Variants in OR8B8 observed in about 807,000 individuals in gnomAD.
OR8B8 encodes olfactory receptor family 8 subfamily B member 8.
Under a neutral mutation model 10.5 loss-of-function variants are expected in OR8B8, and 8 were observed. The ratio of observed to expected loss-of-function variants is 0.76; its 90% CI spans 0.45 to 1.38. The LOEUF is 1.38. Among genes scored for constraint, OR8B8 ranks in the 40% most tolerant of loss-of-function variants. The pLI is 0.00. For missense variants in OR8B8, 390 were observed against 380.5 expected, an observed-to-expected ratio of 1.03 and a Z score of -0.21; for synonymous variants, 150 against 145.2, an observed-to-expected ratio of 1.03 and a Z score of -0.24.
chr11:124,439,835 A>G lies in OR8B8; in HGVS notation c.*315T>C, dbSNP rs1861444597. On this transcript the variant is annotated 3_prime_UTR_variant, in exon 3 of 3. Transcript: ENST00000642064. ...CTGAGGGAGGAAGAAAGTGAGCCAT[A>G]ATGAAAAGCAGCCAGTACTGGAAAT... is the stretch of plus-strand genomic sequence containing the variant. 4.2e-6 allele frequency: 1 copy of G among 237,188 alleles called. No individual in the cohort carries two copies. The allele number at this position is 237,188 out of a possible 1,614,324, so 14.7% of individuals were successfully genotyped here.
At position 124,440,083 on chromosome 11, in the gene OR8B8, T is replaced by G; in HGVS notation, c.*67A>C. On this transcript the variant is annotated 3_prime_UTR_variant, in exon 3 of 3. Coordinates refer to ENST00000642064, the MANE Select transcript of OR8B8 (RefSeq NM_012378.2). ...TTGAGGAAAAATTATATTTCTTCCA[T>G]GTAACCAGTGGAGTCCAAATCACTT... 1.6e-6 allele frequency: 2 copies of G among 1,260,320 alleles called. No homozygotes were observed. The highest frequency in any genetic ancestry group is 2.2e-6 in the Non-Finnish European group (2 of 898,500). The allele number at this position is 1,260,320 out of a possible 1,614,324, so 78.1% of individuals were successfully genotyped here.
chr11:124,441,159 C>T lies in OR8B8; in HGVS notation c.-16-58G>A, dbSNP rs1861471727. 4 of 1,082,932 alleles carry T rather than the reference C, an allele frequency of 3.7e-6. 1 individual carries two copies. In the Admixed American group the frequency reaches 6.8e-5, roughly 19 times the overall value. 67.1% of individuals were successfully genotyped at this position (1,082,932 alleles called of 1,614,324 possible). ...GAGAGAGAGACCACTGCTGCCCTCCCAGTCATCCCTCCTTCCTTCTTGAGA... is the reference window on the plus strand; with the variant it reads ...GAGAGAGAGACCACTGCTGCCCTCCTAGTCATCCCTCCTTCCTTCTTGAGA... On this transcript the variant is annotated intron_variant, in intron 2 of 2. Transcript: ENST00000642064.
intron 1 of OR8B8, among the ~76,000 whole-genome samples, chr11:124,445,042 A>T (rs1007540927): frequency 1.3e-5 from 2 of 152,192 alleles, no homozygotes; most frequent in Non-Finnish European, 2.9e-5. Context: ...TCAAATATCC[A>T]CATTCTATCA....
chr11:124,442,732 C>T (rs1258875991), intron 1 of OR8B8, among the ~76,000 whole-genome samples: 1 of 152,118 alleles, frequency 6.6e-6, no homozygotes, highest in African/African-American at 2.4e-5. Flanking sequence ...GTTTTGCTTG[C>T]TTTGTTCTTT....
rs574964605 is a variant in OR8B8, at chr11:124,441,911, C to A, written c.-152-288G>T. ...CCTGGGATCACAGACCTGGATATAA[C>A]AAAGTTGTGCTCATACCCTTGATAA... On this transcript the variant is annotated intron_variant, in intron 1 of 2. Transcript: ENST00000642064. Among the ~76,000 whole-genome samples the A allele has an allele frequency of 6.6e-5, 10 of 152,306 alleles. 1 individual carries two copies. In the South Asian group the frequency reaches 2.1e-3, roughly 32 times the overall value.
At chr11:124,442,597 A>T (rs1861486055) in intron 1 of OR8B8, among the ~76,000 whole-genome samples, 1 of 152,154 alleles carries the variant, frequency 6.6e-6, no homozygotes, top group Non-Finnish European at 1.5e-5. Flanking sequence ...ACTTGTTGGG[A>T]TTCCCCTAGA....
Position 124,440,882 on chromosome 11 carries a change from G to A in OR8B8, c.204C>T (p.Phe68=). Residue 68 remains phenylalanine (F), a synonymous_variant, in exon 3 of 3, where the codon TTC becomes TTT. Coordinates refer to ENST00000642064, the MANE Select transcript of OR8B8 (RefSeq NM_012378.2). ...PMYFFLYNLS[F]IDFCYSSVIT... ...TAACACTGGAATAGCAGAAATCTAT[G>A]AAGGACAAGTTATAGAGGAAGAAGT... 6.2e-7 allele frequency: 1 copy of A among 1,614,146 alleles called. No individual in the cohort carries two copies.
chr11:124,440,723 G>A lies in OR8B8; in HGVS notation c.363C>T (p.Asp121=), dbSNP rs1565361877. 1 of 1,614,114 alleles carries A rather than the reference G, an allele frequency of 6.2e-7. No individual in the cohort carries two copies. Among genetic ancestry groups the A allele is most frequent in the South Asian group, 1.1e-5 (1 of 91,082 alleles). The change falls in exon 3 of 3, where the codon GAC becomes GAT. Residue 121 remains aspartate (D), a synonymous_variant. Transcript: ENST00000642064. ...ESFILSAMAY[D]RYVAICNPLL... ...GTGGGTTACAGATGGCCACATAGCG[G>A]TCATACGCCATTGCTGACAGGATGA...
At chr11:124,441,365 G>A in intron 2 of OR8B8, 123 bp downstream of exon 2, 2 of 423,086 alleles carry the variant, frequency 4.7e-6, no homozygotes, top group South Asian at 6.1e-5. Flanking sequence ...CAGAAACTGG[G>A]GCCAGTCTCC....
In OR8B8 at chr11:124,440,463, C is replaced by G. The variant is rs1316769821; in HGVS notation, c.623G>C (p.Gly208Ala). 1 of 1,613,990 alleles carries G rather than the reference C, an allele frequency of 6.2e-7. No homozygotes were observed. The highest frequency in any genetic ancestry group is 1.3e-5 in the African/African-American group (1 of 74,910). Residue 208 changes from glycine (G) to alanine (A), a missense_variant, in exon 3 of 3, where the codon GGT becomes GCT. By Grantham distance (60) the Gly-to-Ala change is moderately conservative. Transcript: ENST00000642064. ...AATGAAGATGGTGACTGTGGGCACA[C>G]CAATATCAATGCCCACAACAACAAA... is the stretch of plus-strand genomic sequence containing the variant. ...VVFVVVGIDI[G>A]VPTVTIFISY... is the part of the protein sequence containing the mutation.
rs767201422 is a variant in OR8B8 at position 124,440,880 on chromosome 11, A to C, written c.206T>G (p.Ile69Arg). The C allele has an allele frequency of 6.2e-7, 1 of 1,614,186 alleles. No homozygotes were observed. Among genetic ancestry groups the C allele is most frequent in the African/African-American group, 1.3e-5 (1 of 75,048 alleles). The change falls in exon 3 of 3, where the codon ATA becomes AGA. Residue 69 changes from isoleucine (I) to arginine (R), a missense_variant. Ile to Arg is a moderately conservative substitution (Grantham distance 97, BLOSUM62 -3). Coordinates refer to ENST00000642064, the MANE Select transcript of OR8B8 (RefSeq NM_012378.2). Reference sequence around the variant, plus strand: ...GATAACACTGGAATAGCAGAAATCTATGAAGGACAAGTTATAGAGGAAGAA... The same window carrying C: ...GATAACACTGGAATAGCAGAAATCTCTGAAGGACAAGTTATAGAGGAAGAA... The part of the protein sequence containing the change: ...MYFFLYNLSF[I>R]DFCYSSVITP...
At chr11:124,444,879 A>G (rs1368132693) in intron 1 of OR8B8, among the ~76,000 whole-genome samples, 4 of 152,206 alleles carry the variant, frequency 2.6e-5, no homozygotes, top group African/African-American at 9.6e-5. Flanking sequence ...AGGGCAGAGG[A>G]GACAGCTGAC....
chr11:124,444,710 C>T (rs1335897441), intron 1 of OR8B8, among the ~76,000 whole-genome samples: 1 of 151,820 alleles, frequency 6.6e-6, no homozygotes, highest in African/African-American at 2.4e-5. Context: ...GTGGAAGAGC[C>T]GAGAAGAGTG....
chr11:124,440,015 T>C lies in OR8B8; in HGVS notation c.*135A>G, dbSNP rs1861446929. 7.5e-6 allele frequency: 5 copies of C among 669,234 alleles called. No homozygotes were observed. Among genetic ancestry groups the C allele is most frequent in the Non-Finnish European group, 1.3e-5 (5 of 398,984 alleles). The allele number at this position is 669,234 out of a possible 1,614,324, so 41.5% of individuals were successfully genotyped here. A position where few individuals can be genotyped will look rare whatever the true frequency, so the allele number is the denominator to read the frequency against. On this transcript the variant is annotated 3_prime_UTR_variant, in exon 3 of 3. Transcript: ENST00000642064. ...TGAGTATTCAAAGCTCTTAAGAATG[T>C]TTGTAAATTAAAGAACCCTTAAAAT...
rs201203460 is a variant in OR8B8, at chr11:124,440,756, A to G, written c.330T>C (p.Ser110=). ...QLFFFLFFVV[S]ESFILSAMAY... ...CCATTGCTGACAGGATGAAGGACTC[A>G]GAGACAACAAAGAAAAGAAAGAAGA... The change falls in exon 3 of 3, where the codon TCT becomes TCC. Residue 110 remains serine (S), a synonymous_variant. Transcript: ENST00000642064. 277 of 1,614,204 alleles carry G rather than the reference A, an allele frequency of 1.7e-4. No individual in the cohort carries two copies. The Middle Eastern group carries it at 1.8e-3, about 11-fold the overall frequency.
chr11:124,441,023 C>T lies in OR8B8; in HGVS notation c.63G>A (p.Pro21=), dbSNP rs771571997. 7.4e-6 allele frequency: 12 copies of T among 1,613,522 alleles called. No individual in the cohort carries two copies. Among genetic ancestry groups the T allele is most frequent in the African/African-American group, 2.7e-5 (2 of 74,884 alleles). The change falls in exon 3 of 3, where the codon CCG becomes CCA. Residue 21 remains proline (P), a synonymous_variant. Coordinates refer to ENST00000642064, the MANE Select transcript of OR8B8 (RefSeq NM_012378.2). ...QFILAGLTDQ[P]GVQIPLFFLF... The stretch of plus-strand genomic sequence containing the variant: ...GGAAGAAGAGGGGGATCTGGACTCC[C>T]GGTTGGTCAGTTAAGCCTGCGAGGA...
chr11:124,442,916 G>T (rs1861489288), intron 1 of OR8B8, among the ~76,000 whole-genome samples: 1 of 127,288 alleles, frequency 7.9e-6, no homozygotes, highest in Non-Finnish European at 1.7e-5. Flanking sequence ...AAATGAATTA[G>T]ATAACTATAT....
Position 124,440,391 on chromosome 11 carries a change from T to C in OR8B8, c.695A>G (p.Glu232Gly). The C allele has an allele frequency of 1.2e-6, 2 of 1,614,198 alleles. No homozygotes were observed. Among genetic ancestry groups the C allele is most frequent in the Non-Finnish European group, 1.7e-6 (2 of 1,180,040 alleles). ...LSSIFHIDST[E>G]GRSKAFSTCS... is the part of the protein sequence containing the mutation. ...GGTGCTGAAGGCTTTGGACCTGCCC[T>C]CCGTGGAATCAATGTGGAAGATGCT... is the stretch of plus-strand genomic sequence containing the variant. The change falls in exon 3 of 3, where the codon GAG becomes GGG. Residue 232 changes from glutamate to glycine, a missense_variant. Transcript: ENST00000642064.
chr11:124,441,162 T>A, intron 2 of OR8B8, 61 bp from the exon 3 acceptor site: 1 of 1,063,756 alleles, frequency 9.4e-7, no homozygotes, highest in South Asian at 1.5e-5. Flanking sequence ...GCCCTCCCAG[T>A]CATCCCTCCT....
Sources: gnomAD v4.1 joint callset for allele counts (sites outside exome capture counted in the v4.1 genomes callset) on GRCh38, gnomAD v4.1.1 for gene constraint, MANE v1.5 for transcripts, NCBI Gene and HGNC (gene_info 2026-07-23, HGNC 2026-07-21) for gene names.